CPVL: variants seen among roughly 807,000 people sequenced by gnomAD.
CPVL encodes probable serine carboxypeptidase CPVL.
A neutral mutation model predicts 63.7 loss-of-function variants in CPVL; 51 were observed. The ratio of observed to expected loss-of-function variants is 0.80; its 90% CI spans 0.64 to 1.01. CPVL has a LOEUF of 1.01. Ranked by LOEUF, CPVL falls within the 50% of genes least tolerant of loss-of-function variation. The pLI is 0.00. For synonymous variants in CPVL, 195 were observed against 206.0 expected, an observed-to-expected ratio of 0.95 and a Z score of 0.46; for missense variants, 530 against 573.1, an observed-to-expected ratio of 0.92 and a Z score of 0.77.
chr7:29,071,708 C>CCGG, intron 9 of CPVL, 65 bp downstream of exon 9: 2 of 714,240 alleles, frequency 2.8e-6, no homozygotes, highest in Non-Finnish European at 2.4e-6. Context: ...TGTTCCTGCT[C>CCGG]ACCCGCCCTC....
intron 5 of CPVL, among the ~76,000 whole-genome samples, chr7:29,162,187 TA>T (rs879535881): frequency 1.7e-4 from 26 of 152,158 alleles, no homozygotes; most frequent in Non-Finnish European, 2.9e-4. Flanking sequence ...CCTAGGCAGG[TA>T]AAATCTTATA....
chr7:29,003,974 CACAA>C (rs905841509), intron 12 of CPVL, among the ~76,000 whole-genome samples: 12 of 152,174 alleles, frequency 7.9e-5, no homozygotes, highest in Admixed American at 3.3e-4. Flanking sequence ...CCTAAAAGGC[CACAA>C]ACAGTTACCA....
intron 7 of CPVL, among the ~76,000 whole-genome samples, chr7:29,078,742 C>T (rs1371431998): frequency 6.6e-6 from 1 of 152,188 alleles, no homozygotes; most frequent in East Asian, 1.9e-4. Flanking sequence ...AACCTCAGTA[C>T]ATATGTATCG....
At chr7:29,032,966 A>C (rs1184884856) in intron 11 of CPVL, among the ~76,000 whole-genome samples, 1 of 152,204 alleles carries the variant, frequency 6.6e-6, no homozygotes, top group African/African-American at 2.4e-5. Context: ...CTTGTTAGTC[A>C]AGACTTATCA....
chr7:29,037,549 T>G (rs1474049969), intron 11 of CPVL, among the ~76,000 whole-genome samples: 4 of 64,456 alleles, frequency 6.2e-5, no homozygotes, highest in Admixed American at 2.2e-4. Context: ...TGAGACTCCA[T>G]CTCAAAAAAA....
At chr7:29,096,857 T>A (rs538294445) in intron 3 of CPVL, among the ~76,000 whole-genome samples, 3 of 152,160 alleles carry the variant, frequency 2.0e-5, no homozygotes, top group South Asian at 4.2e-4. Context: ...TGGTGGCACA[T>A]GCCTGTAATC....
At chr7:29,120,421 C>T (rs1270820415) in intron 2 of CPVL, among the ~76,000 whole-genome samples, 1 of 75,094 alleles carries the variant, frequency 1.3e-5, no homozygotes, top group Non-Finnish European at 3.3e-5. Flanking sequence ...GACTCTGTCT[C>T]AAACAAACAA....
chr7:29,135,549 GT>G (rs1312001358), intron 1 of CPVL, among the ~76,000 whole-genome samples: 1 of 151,988 alleles, frequency 6.6e-6, no homozygotes, highest in Non-Finnish European at 1.5e-5. Flanking sequence ...GATCAGGCTG[GT>G]CTCGAACTCC....
intron 1 of CPVL, among the ~76,000 whole-genome samples, chr7:29,190,985 G>C (rs1055056531): frequency 6.6e-6 from 1 of 151,680 alleles, no homozygotes; most frequent in Non-Finnish European, 1.5e-5. Context: ...CCCAGGCTGG[G>C]GTGCAGTGGC....
chr7:29,160,353 G>A (rs532035350), intron 5 of CPVL, among the ~76,000 whole-genome samples: 3 of 152,272 alleles, frequency 2.0e-5, no homozygotes, highest in Non-Finnish European at 4.4e-5. Context: ...TCCTGTTCCT[G>A]TATGTGGCTG....
At chr7:28,997,934 T>C (rs1157316330) in intron 12 of CPVL, among the ~76,000 whole-genome samples, 1 of 152,258 alleles carries the variant, frequency 6.6e-6, no homozygotes. Context: ...GTGAAACTTT[T>C]GTGTTTTGCT....
chr7:29,146,433 C>T lies in CPVL; in HGVS notation c.-15G>A. ...CGCAGGGCAGGCGGCACTTACGCGG[C>T]GCAGTCGGTGCTCCTCCCTGAGCCG... On this transcript the variant is annotated 5_prime_UTR_variant, in exon 1 of 13. Coordinates refer to ENST00000265394, the MANE Select transcript of CPVL (RefSeq NM_031311.5). 1 of 1,202,696 alleles carries T rather than the reference C, an allele frequency of 8.3e-7. No individual in the cohort carries two copies. Among genetic ancestry groups the T allele is most frequent in the Non-Finnish European group, 1.1e-6 (1 of 889,302 alleles). 74.5% of individuals were successfully genotyped at this position (1,202,696 alleles called of 1,614,324 possible).
At chr7:29,026,437 C>T (rs1288135938) in intron 12 of CPVL, among the ~76,000 whole-genome samples, 1 of 151,770 alleles carries the variant, frequency 6.6e-6, no homozygotes, top group African/African-American at 2.4e-5. Flanking sequence ...CAAACCAAAC[C>T]CATTATCTTT....
intron 5 of CPVL, among the ~76,000 whole-genome samples, chr7:29,162,414 C>G (rs946670244): frequency 6.6e-6 from 1 of 152,184 alleles, no homozygotes; most frequent in African/African-American, 2.4e-5. Context: ...GTAATCCCAG[C>G]ACTTTGGGAG....
intron 12 of CPVL, among the ~76,000 whole-genome samples, chr7:28,999,204 T>G (rs1784372640): frequency 6.6e-6 from 1 of 152,098 alleles, no homozygotes; most frequent in Non-Finnish European, 1.5e-5. Context: ...AGAGTGAGAC[T>G]CCACCTCAAA....
In CPVL at chr7:29,075,956, G is replaced by GTTTTTTTTTT. The variant is rs1554335832; in HGVS notation, c.610-3543_610-3534dup. 3.7e-3 allele frequency among the ~76,000 whole-genome samples: 406 copies of GTTTTTTTTTT among 110,284 alleles called. 30 individuals are homozygous for GTTTTTTTTTT. The highest frequency in any genetic ancestry group is 8.9e-3 in the South Asian group (29 of 3,242). The allele number at this position is 110,284 out of a possible 152,430, so 72.4% of individuals were successfully genotyped here. A position where few individuals can be genotyped will look rare whatever the true frequency, so the allele number is the denominator to read the frequency against. The stretch of plus-strand genomic sequence containing the variant: ...TATTTTCACTCTCCTTGTTGAGATA[G>GTTTTTTTTTT]TTTTTTTTTTTTTGGCAAGATCAGA... On this transcript the variant is annotated intron_variant, in intron 7 of 12. Coordinates refer to ENST00000265394, the MANE Select transcript of CPVL (RefSeq NM_031311.5).
At chr7:29,105,795 C>T (rs1225970144) in intron 3 of CPVL, among the ~76,000 whole-genome samples, 2 of 152,184 alleles carry the variant, frequency 1.3e-5, no homozygotes, top group African/African-American at 4.8e-5. Flanking sequence ...GCCTGTTCTC[C>T]CACAGCCACA....
At chr7:29,074,082 C>T (rs1352701926) in intron 7 of CPVL, among the ~76,000 whole-genome samples, 1 of 152,170 alleles carries the variant, frequency 6.6e-6, no homozygotes, top group Admixed American at 6.5e-5. Context: ...ACTCCCATTT[C>T]AAGATGAGGA....
intron 3 of CPVL, among the ~76,000 whole-genome samples, chr7:29,107,460 A>G (rs1787833691): frequency 1.3e-5 from 2 of 152,332 alleles, no homozygotes; most frequent in Non-Finnish European, 2.9e-5. Context: ...TAGGTTTAAC[A>G]TCTTTATTTC....
Sources: gnomAD v4.1 joint callset for allele counts (sites outside exome capture counted in the v4.1 genomes callset) on GRCh38, gnomAD v4.1.1 for gene constraint, MANE v1.5 for transcripts, NCBI Gene and HGNC (gene_info 2026-07-23, HGNC 2026-07-21) for gene names.